The following NCAM1 variants were observed in gnomAD, a reference collection of about 807,000 sequenced individuals.
NCAM1 encodes antigen recognized by monoclonal antibody 5.1H11.
Under a neutral mutation model 109.8 loss-of-function variants are expected in NCAM1, and 14 were observed. That is an observed-to-expected ratio of 0.13 (90% CI 0.08 to 0.20). The LOEUF (loss-of-function observed/expected upper bound fraction) is 0.20. Among genes scored for constraint, NCAM1 ranks in the 10% least tolerant of loss-of-function variants. The pLI is 1.00. For synonymous variants in NCAM1, 418 were observed against 442.9 expected, an observed-to-expected ratio of 0.94 and a Z score of 0.70; for missense variants, 774 against 1,109.9, an observed-to-expected ratio of 0.70 and a Z score of 4.30.
At chr11:113,236,866 G>T (rs1160703512) in intron 14 of NCAM1, among the ~76,000 whole-genome samples, 2 of 152,216 alleles carry the variant, frequency 1.3e-5, no homozygotes, top group African/African-American at 4.8e-5. Flanking sequence ...GGCCAGGGAG[G>T]CTCCTGCAGC....
chr11:113,021,509 G>A (rs771236860), intron 1 of NCAM1, among the ~76,000 whole-genome samples: 1 of 152,190 alleles, frequency 6.6e-6, no homozygotes, highest in South Asian at 2.1e-4. Context: ...ACTGGAGTAT[G>A]TTTGTTTTCA....
At chr11:113,114,413 C>A (rs1565444620) in intron 1 of NCAM1, among the ~76,000 whole-genome samples, 1 of 152,224 alleles carries the variant, frequency 6.6e-6, no homozygotes, top group Non-Finnish European at 1.5e-5. Context: ...GGGCATGGGG[C>A]TTCTCTGCCT....
chr11:113,103,124 C>A (rs947562632), intron 1 of NCAM1, among the ~76,000 whole-genome samples: 9 of 152,186 alleles, frequency 5.9e-5, no homozygotes, highest in African/African-American at 1.9e-4. Flanking sequence ...ACTTTGACAT[C>A]ATAGCACTTT....
chr11:113,232,033 T>C (rs987531554), intron 10 of NCAM1, 137 bp from the exon 11 acceptor site: 1 of 987,864 alleles, frequency 1.0e-6, no homozygotes, highest in Non-Finnish European at 1.5e-6. Flanking sequence ...ACAGGAATTC[T>C]AGAATGGCCC....
chr11:113,260,472 T>G (rs1945959177), intron 17 of NCAM1, 149 bp downstream of exon 17: 2 of 851,488 alleles, frequency 2.3e-6, no homozygotes, highest in Non-Finnish European at 3.6e-6. Context: ...TTTTGCCTTG[T>G]ACCTATCTGT....
At chr11:113,142,734 C>T (rs1434161436) in intron 1 of NCAM1, among the ~76,000 whole-genome samples, 2 of 152,138 alleles carry the variant, frequency 1.3e-5, no homozygotes, top group Non-Finnish European at 2.9e-5. Flanking sequence ...TGCTGTCTTG[C>T]CACCTTCCGG....
rs1220208803 is a variant in NCAM1, at chr11:113,232,826, T to C, written c.1522+12T>C. The C allele has an allele frequency of 6.2e-7, 1 of 1,601,536 alleles. No individual in the cohort carries two copies. The highest frequency in any genetic ancestry group is 1.3e-5 in the African/African-American group (1 of 74,672). On this transcript the variant is annotated intron_variant, in intron 12 of 19. Transcript: ENST00000316851. The stretch of plus-strand genomic sequence containing the variant: ...CCTTGTTCAAGCAGGTGAGTGTCCC[T>C]TACTCACCTGAGAGCAGCTGCCACA...
chr11:113,054,894 G>T (rs1235013898), intron 1 of NCAM1, among the ~76,000 whole-genome samples: 2 of 152,152 alleles, frequency 1.3e-5, no homozygotes, highest in African/African-American at 4.8e-5. Flanking sequence ...CCCTTTAAAG[G>T]CAGGATATGG....
intron 15 of NCAM1, among the ~76,000 whole-genome samples, chr11:113,250,267 C>T (rs562491909): frequency 3.5e-4 from 54 of 152,288 alleles, no homozygotes; most frequent in African/African-American, 1.1e-3. Context: ...CCAAAAGAGG[C>T]GCCAGGGAGA....
At chr11:113,127,588 T>C (rs1197059343) in intron 1 of NCAM1, among the ~76,000 whole-genome samples, 2 of 152,188 alleles carry the variant, frequency 1.3e-5, no homozygotes, top group Non-Finnish European at 2.9e-5. Context: ...TTTAGCAAAA[T>C]TGGTGATGGT....
intron 8 of NCAM1, among the ~76,000 whole-genome samples, chr11:113,214,761 G>A (rs1171782615): frequency 2.6e-5 from 4 of 152,170 alleles, no homozygotes; most frequent in African/African-American, 9.7e-5. Context: ...CAAGTTAGAT[G>A]TTCTGGGGAG....
intron 1 of NCAM1, among the ~76,000 whole-genome samples, chr11:113,058,884 C>T (rs558059264): frequency 1.3e-5 from 2 of 152,218 alleles, no homozygotes; most frequent in Non-Finnish European, 1.5e-5. Context: ...AGCCATTATT[C>T]ATTCCTACAG....
At position 113,079,855 on chromosome 11, in the gene NCAM1, T is replaced by C. The variant is rs191041008; in HGVS notation, c.52+118191T>C. Reference sequence around the variant, plus strand: ...GCCACTGTAATATAATAAAACTATTTCGAGATTGGCATATTAGAGAAATGT... The same window carrying C: ...GCCACTGTAATATAATAAAACTATTCCGAGATTGGCATATTAGAGAAATGT... On this transcript the variant is annotated intron_variant, in intron 1 of 19. Coordinates refer to ENST00000316851, the MANE Select transcript of NCAM1 (RefSeq NM_181351.5). 1.2e-4 allele frequency among the ~76,000 whole-genome samples: 19 copies of C among 152,304 alleles called. No individual in the cohort carries two copies. The South Asian group carries it at 1.9e-3, about 15-fold the overall frequency.
chr11:113,245,320 C>G (rs11214551), intron 14 of NCAM1, among the ~76,000 whole-genome samples: 2,900 of 152,250 alleles, frequency 0.019, 223 homozygotes, highest in East Asian at 0.15. Context: ...CAGACGCCTG[C>G]AGTCCCAGCC....
intron 9 of NCAM1, among the ~76,000 whole-genome samples, chr11:113,228,069 G>T (rs1555116562): frequency 5.9e-5 from 9 of 152,172 alleles, no homozygotes. Flanking sequence ...CATAGTGTTG[G>T]AAGTTCTGGC....
At chr11:113,041,650 CTCT>C (rs1318442850) in intron 1 of NCAM1, among the ~76,000 whole-genome samples, 14 of 151,762 alleles carry the variant, frequency 9.2e-5, no homozygotes, top group African/African-American at 3.1e-4. Flanking sequence ...ATCTTTAGGT[CTCT>C]TCTTGTCATG....
intron 8 of NCAM1, among the ~76,000 whole-genome samples, chr11:113,217,022 C>T (rs1007684116): frequency 3.3e-5 from 5 of 152,282 alleles, no homozygotes; most frequent in Non-Finnish European, 5.9e-5. Flanking sequence ...GGAAAACAAC[C>T]ATTTTCTTTT....
intron 1 of NCAM1, among the ~76,000 whole-genome samples, chr11:113,139,797 G>A (rs1479941287): frequency 6.6e-6 from 1 of 151,748 alleles, no homozygotes; most frequent in Non-Finnish European, 1.5e-5. Flanking sequence ...AGATTTAAAA[G>A]AAAATCCCAA....
rs572226538 is a variant in NCAM1 at position 113,023,724 on chromosome 11, A to G, written c.52+62060A>G. On this transcript the variant is annotated intron_variant, in intron 1 of 19. Transcript: ENST00000316851. ...CAAGATCAAGTTATGAATTTCATAGAATTAGGAACTTTGTCGGTTTTCTTG... is the reference window on the plus strand; with the variant it reads ...CAAGATCAAGTTATGAATTTCATAGGATTAGGAACTTTGTCGGTTTTCTTG... 6.6e-5 allele frequency among the ~76,000 whole-genome samples: 10 copies of G among 152,262 alleles called. No individual in the cohort carries two copies. In the South Asian group the frequency reaches 1.0e-3, roughly 16 times the overall value.
Sources: allele counts gnomAD v4.1 joint callset (sites outside exome capture counted in the v4.1 genomes callset), GRCh38; gene constraint gnomAD v4.1.1; transcripts MANE v1.5; gene names NCBI Gene and HGNC (gene_info 2026-07-23, HGNC 2026-07-21).